NTF3: variants seen among roughly 807,000 people sequenced by gnomAD.
NTF3 encodes the protein neurotrophin-3.
NTF3 carries 8 observed loss-of-function variants against 26.3 expected under a neutral mutation model. The ratio of observed to expected loss-of-function variants is 0.30; its 90% confidence interval spans 0.18 to 0.55. The LOEUF is 0.55. Ranked by LOEUF, NTF3 falls within the 20% of genes least tolerant of loss-of-function variation. The pLI is 0.93. For synonymous variants in NTF3, 154 were observed against 145.5 expected (o/e 1.06, Z -0.42); for missense variants, 276 against 352.9 (o/e 0.78, Z 1.75).
chr12:5,441,688 G>A (rs954411881), intron 1 of NTF3, among the ~76,000 whole-genome samples: 1 of 152,214 alleles, frequency 6.6e-6, no homozygotes, highest in African/African-American at 2.4e-5. Context: ...GAATGAATGC[G>A]TGACCAGCCA....
chr12:5,476,829 A>G (rs1940730467), intron 1 of NTF3, among the ~76,000 whole-genome samples: 1 of 152,264 alleles, frequency 6.6e-6, no homozygotes, highest in South Asian at 2.1e-4. Context: ...AGATTGTAAT[A>G]GTAAGTGAAA....
chr12:5,469,691 T>C (rs1940640281), intron 1 of NTF3, among the ~76,000 whole-genome samples: 1 of 152,232 alleles, frequency 6.6e-6, no homozygotes, highest in South Asian at 2.1e-4. Flanking sequence ...TCTTAGGGAA[T>C]GTGTCTCTCT....
intron 1 of NTF3, among the ~76,000 whole-genome samples, chr12:5,435,016 C>A (rs1035420053): frequency 6.6e-6 from 1 of 152,050 alleles, no homozygotes; most frequent in Non-Finnish European, 1.5e-5. Context: ...TTTGCCTCCC[C>A]CCTCCTTCCT....
chr12:5,467,228 C>CAAAAAAAAAAAAAAA lies in NTF3; in HGVS notation c.19-26945_19-26931dup, dbSNP rs60794349. 1.4e-4 allele frequency among the ~76,000 whole-genome samples: 7 copies of CAAAAAAAAAAAAAAA among 49,548 alleles called. 1 individual carries two copies. The highest frequency in any genetic ancestry group is 2.0e-4 in the Non-Finnish European group (6 of 30,720). 32.5% of individuals were successfully genotyped at this position (49,548 alleles called of 152,430 possible). On this transcript the variant is annotated intron_variant, in intron 1 of 1. Coordinates refer to ENST00000423158, the MANE Select transcript of NTF3 (RefSeq NM_001102654.2). ...TGTGCAACAGAGCGAGACTCCGTCTCAAAAAAAAAAAAAAAAAAAAAAAAA... is the reference window on the plus strand; with the variant it reads ...TGTGCAACAGAGCGAGACTCCGTCTCAAAAAAAAAAAAAAAAAAAAAAAAAAAAAAAAAAAAAAAA...
At chr12:5,482,152 G>A (rs1380502956) in intron 1 of NTF3, among the ~76,000 whole-genome samples, 1 of 151,974 alleles carries the variant, frequency 6.6e-6, no homozygotes, top group Non-Finnish European at 1.5e-5. Context: ...GACACATGTT[G>A]TGTGCTCATG....
At chr12:5,437,540 C>T (rs1471519929) in intron 1 of NTF3, among the ~76,000 whole-genome samples, 1 of 152,168 alleles carries the variant, frequency 6.6e-6, no homozygotes, top group Non-Finnish European at 1.5e-5. Flanking sequence ...GCACTCCCAC[C>T]CCAACTGGAG....
At chr12:5,451,209 G>T (rs767079410) in intron 1 of NTF3, among the ~76,000 whole-genome samples, 1 of 152,170 alleles carries the variant, frequency 6.6e-6, no homozygotes, top group African/African-American at 2.4e-5. Context: ...GTACCCCTCT[G>T]CATGGTAGCC....
chr12:5,452,066 T>A (rs1940380014), intron 1 of NTF3, among the ~76,000 whole-genome samples: 1 of 151,354 alleles, frequency 6.6e-6, no homozygotes, highest in Non-Finnish European at 1.5e-5. Flanking sequence ...ATTATTGCAT[T>A]GTACGTATCT....
At chr12:5,444,164 G>A (rs1002022129) in intron 1 of NTF3, among the ~76,000 whole-genome samples, 8 of 152,200 alleles carry the variant, frequency 5.3e-5, no homozygotes, top group South Asian at 2.1e-4. Context: ...GGGACTGCTC[G>A]ACAGAGGCAC....
chr12:5,474,438 G>C (rs1940699288), intron 1 of NTF3, among the ~76,000 whole-genome samples: 1 of 152,206 alleles, frequency 6.6e-6, no homozygotes, highest in Non-Finnish European at 1.5e-5. Context: ...TGTCAGGGGA[G>C]CCCTGGCAGA....
At chr12:5,448,031 T>C (rs1484431456) in intron 1 of NTF3, among the ~76,000 whole-genome samples, 2 of 152,336 alleles carry the variant, frequency 1.3e-5, no homozygotes, top group African/African-American at 4.8e-5. Flanking sequence ...CCCACACTTC[T>C]GCCAACCCAG....
intron 1 of NTF3, among the ~76,000 whole-genome samples, chr12:5,487,614 T>C (rs1338515534): frequency 6.6e-6 from 1 of 152,236 alleles, no homozygotes; most frequent in East Asian, 1.9e-4. Context: ...AAATTGAGTG[T>C]CTTGTCCTGT....
intron 1 of NTF3, among the ~76,000 whole-genome samples, chr12:5,458,860 C>T (rs557516757): frequency 1.3e-5 from 2 of 152,200 alleles, no homozygotes; most frequent in South Asian, 2.1e-4. Flanking sequence ...AAAGCAAGCA[C>T]ACATACACAC....
At chr12:5,489,503 A>G (rs1940907781) in intron 1 of NTF3, among the ~76,000 whole-genome samples, 1 of 152,192 alleles carries the variant, frequency 6.6e-6, no homozygotes, top group Non-Finnish European at 1.5e-5. Flanking sequence ...TGGTTTCCCC[A>G]TTCAAAATGG....
intron 1 of NTF3, among the ~76,000 whole-genome samples, chr12:5,443,303 A>G (rs1243638650): frequency 1.3e-5 from 2 of 152,158 alleles, no homozygotes; most frequent in African/African-American, 2.4e-5. Context: ...CCACTCTTGG[A>G]TGCAGTGGGA....
Position 5,494,761 on chromosome 12 carries a change from A to G in NTF3, c.586A>G (p.Asn196Asp), listed in dbSNP as rs747387311. 1.9e-6 allele frequency: 3 copies of G among 1,614,036 alleles called. No homozygotes were observed. The East Asian group carries it at 6.7e-5, about 36-fold the overall frequency. Residue 196 changes from asparagine (N) to aspartate (D), a missense_variant, in exon 2 of 2, where the codon AAC becomes GAC. This residue lies in a region of NTF3 where 221 missense variants were observed against 258.2 expected (regional missense o/e 0.86). Coordinates refer to ENST00000423158, the MANE Select transcript of NTF3 (RefSeq NM_001102654.2). This position sits in a 1 kb window ranked among gnomAD's most constrained non-coding sequence, Gnocchi z 8.3. ...GGTGCTGGGGGAGATCAAAACGGGC[A>G]ACTCTCCCGTCAAACAATATTTTTA... ...VTVLGEIKTG[N>D]SPVKQYFYET... is the part of the protein sequence containing the mutation.
In NTF3 at chr12:5,493,433, G is replaced by A. The variant is rs893998241; in HGVS notation, c.19-761G>A. On this transcript the variant is annotated intron_variant, in intron 1 of 1. Transcript: ENST00000423158. ...GGCAAGTCCAGCCCATTTATGTAAGGTGGTTATTCTGCATCTCTGTCTTCT... is the reference window on the plus strand; with the variant it reads ...GGCAAGTCCAGCCCATTTATGTAAGATGGTTATTCTGCATCTCTGTCTTCT... Among the ~76,000 whole-genome samples, 45 of 152,202 alleles carry A rather than the reference G, an allele frequency of 3.0e-4. 1 individual carries two copies. The highest frequency in any genetic ancestry group is 1.1e-3 in the African/African-American group (44 of 41,458).
intron 1 of NTF3, among the ~76,000 whole-genome samples, chr12:5,458,317 C>T (rs1940478745): frequency 6.6e-6 from 1 of 152,162 alleles, no homozygotes; most frequent in African/African-American, 2.4e-5. Context: ...GGAGGCTGTC[C>T]CTAGTCCTCT....
At chr12:5,449,454 G>A (rs193174855) in intron 1 of NTF3, among the ~76,000 whole-genome samples, 30 of 152,236 alleles carry the variant, frequency 2.0e-4, no homozygotes, top group African/African-American at 6.5e-4. Context: ...GGGGTTCTAC[G>A]TTTTGCAGGT....
Sources: gnomAD v4.1 joint callset for allele counts (sites outside exome capture counted in the v4.1 genomes callset) on GRCh38, gnomAD v4.1.1 for gene constraint, gnomAD v4.1.1 regional missense constraint, Gnocchi (gnomAD v3.1) non-coding constraint, MANE v1.5 for transcripts, NCBI Gene and HGNC (gene_info 2026-07-23, HGNC 2026-07-21) for gene names.